Variants in IRGC observed in about 807,000 individuals in gnomAD.
The protein encoded by IRGC is immunity related GTPase cinema.
A neutral mutation model predicts 16.1 loss-of-function variants in IRGC; 4 were observed. The ratio of observed to expected loss-of-function variants is 0.25; its 90% CI spans 0.12 to 0.57. The LOEUF (loss-of-function observed/expected upper bound fraction) is 0.57, where lower values mean the gene tolerates loss of function less well. IRGC is among the 20% of genes least tolerant of loss of function. The pLI, the probability that IRGC is intolerant of heterozygous loss-of-function variation, is 0.92. For synonymous variants in IRGC, 307 were observed against 299.5 expected, an observed-to-expected ratio of 1.03 and a Z score of -0.26; for missense variants, 570 against 643.9, an observed-to-expected ratio of 0.89 and a Z score of 1.24.
intron 1 of IRGC, among the ~76,000 whole-genome samples, chr19:43,716,459 G>A (rs1276409630): frequency 2.0e-5 from 3 of 151,968 alleles, no homozygotes; most frequent in Non-Finnish European, 2.9e-5. Flanking sequence ...CCGCCTCCTG[G>A]GTTCAAGAGC....
rs544701537 is a variant in IRGC, at chr19:43,719,912, C to T, written c.1354C>T (p.Leu452=). 5.7e-5 allele frequency: 92 copies of T among 1,613,608 alleles called. No individual in the cohort carries two copies. Among genetic ancestry groups the T allele is most frequent in the African/African-American group, 1.1e-4 (8 of 75,006 alleles). The part of the protein sequence containing the change: ...RKLGLLLKYI[L]DSWKKHDSEE... ...GCTCGGCCTCCTTCTTAAGTACATT[C>T]TGGACAGCTGGAAGAAACACGACTC... The change falls in exon 2 of 2, where the codon CTG becomes TTG. Residue 452 remains leucine (L), a synonymous_variant. Transcript: ENST00000244314.
chr19:43,719,575 G>T lies in IRGC; in HGVS notation c.1017G>T (p.Ser339=). 6.2e-7 allele frequency: 1 copy of T among 1,602,224 alleles called. No homozygotes were observed. Among genetic ancestry groups the T allele is most frequent in the Non-Finnish European group, 8.5e-7 (1 of 1,179,788 alleles). The change falls in exon 2 of 2, where the codon TCG becomes TCT. Residue 339 remains serine (S), a synonymous_variant. Coordinates refer to ENST00000244314, the MANE Select transcript of IRGC (RefSeq NM_019612.4). ...VIRSPLANEV[S]PETVLRLYSQ... ...GCTCCCCACTGGCCAACGAGGTCTCGCCTGAGACTGTCCTGCGGCTCTATT... is the reference window on the plus strand; with the variant it reads ...GCTCCCCACTGGCCAACGAGGTCTCTCCTGAGACTGTCCTGCGGCTCTATT...
chr19:43,718,526 T>G lies in IRGC; in HGVS notation c.-33T>G. On this transcript the variant is annotated 5_prime_UTR_variant, in exon 2 of 2. Coordinates refer to ENST00000244314, the MANE Select transcript of IRGC (RefSeq NM_019612.4). The stretch of plus-strand genomic sequence containing the variant: ...GATCACGCATCCTGTGACTCTCCCC[T>G]GTCCCCCGCCACCCTCTGAACCACT... 6.5e-7 allele frequency: 1 copy of G among 1,534,678 alleles called. No homozygotes were observed. The highest frequency in any genetic ancestry group is 8.8e-7 in the Non-Finnish European group (1 of 1,140,884).
Position 43,720,021 on chromosome 19 carries a change from A to T in IRGC, c.*71A>T, listed in dbSNP as rs1968250347. The stretch of plus-strand genomic sequence containing the variant: ...ACAAAATCCAAATTACCAACAAAAA[A>T]GGCCGATGTGGTGAATGTGAGGGCT... On this transcript the variant is annotated 3_prime_UTR_variant, in exon 2 of 2. Coordinates refer to ENST00000244314, the MANE Select transcript of IRGC (RefSeq NM_019612.4). 2 of 1,546,308 alleles carry T rather than the reference A, an allele frequency of 1.3e-6. No individual in the cohort carries two copies. Among genetic ancestry groups the T allele is most frequent in the Non-Finnish European group, 1.8e-6 (2 of 1,133,360 alleles).
At chr19:43,716,950 G>A (rs540191571) in intron 1 of IRGC, among the ~76,000 whole-genome samples, 1 of 152,300 alleles carries the variant, frequency 6.6e-6, no homozygotes, top group Admixed American at 6.5e-5. Flanking sequence ...AAGACCCTTA[G>A]TGAGTAAATG....
intron 1 of IRGC, among the ~76,000 whole-genome samples, chr19:43,717,957 T>C (rs1968196165): frequency 6.6e-6 from 1 of 152,146 alleles, no homozygotes; most frequent in African/African-American, 2.4e-5. Flanking sequence ...TGGTCCCAGC[T>C]GTTCAGGAGG....
chr19:43,716,280 C>T (rs1442096065), intron 1 of IRGC, 138 bp downstream of exon 1: 2 of 152,418 alleles, frequency 1.3e-5, no homozygotes, highest in African/African-American at 4.8e-5. Context: ...TTCCAGGTTC[C>T]TACTCTTCCC....
chr19:43,717,166 G>A (rs1440259802), intron 1 of IRGC, among the ~76,000 whole-genome samples: 1 of 152,136 alleles, frequency 6.6e-6, no homozygotes, highest in Non-Finnish European at 1.5e-5. Context: ...TGGTCCCCAT[G>A]TCTGGCTTCC....
Position 43,716,155 on chromosome 19 carries a change from G to C in IRGC, c.-67+13G>C, listed in dbSNP as rs1375983452. 1 of 152,540 alleles carries C rather than the reference G, an allele frequency of 6.6e-6. No homozygotes were observed. The highest frequency in any genetic ancestry group is 1.5e-5 in the Non-Finnish European group (1 of 68,310). 9.4% of individuals were successfully genotyped at this position (152,540 alleles called of 1,614,324 possible). ...GCCTGCAGGGCAGGTGAGTCCCCCA[G>C]GGCTCTCTCGCTGGGCCCCTGTGCG... On this transcript the variant is annotated intron_variant, in intron 1 of 1. Coordinates refer to ENST00000244314, the MANE Select transcript of IRGC (RefSeq NM_019612.4).
In IRGC at chr19:43,718,781, C is replaced by T. The variant is rs1276048918; in HGVS notation, c.223C>T (p.Arg75Cys). The change falls in exon 2 of 2, where the codon CGT becomes TGT. Residue 75 changes from arginine (R) to cysteine (C), a missense_variant. Physicochemically the swap from Arg to Cys is radical, Grantham distance 180. Transcript: ENST00000244314. ...AGKSSLINAL[R>C]GLEAEDPGAA... Reference sequence around the variant, plus strand: ...CAAGTCCTCCCTCATCAATGCCCTGCGTGGCCTGGAGGCCGAGGACCCTGG... The same window carrying T: ...CAAGTCCTCCCTCATCAATGCCCTGTGTGGCCTGGAGGCCGAGGACCCTGG... 7.4e-6 allele frequency: 12 copies of T among 1,612,822 alleles called. No homozygotes were observed. The highest frequency in any genetic ancestry group is 1.1e-5 in the South Asian group (1 of 91,064).
chr19:43,716,881 T>C (rs1194002162), intron 1 of IRGC, among the ~76,000 whole-genome samples: 3 of 152,056 alleles, frequency 2.0e-5, no homozygotes, highest in African/African-American at 7.2e-5. Context: ...CCTCAGTCCT[T>C]CTCCCTGTCA....
Position 43,719,443 on chromosome 19 carries a change from C to T in IRGC, c.885C>T (p.Ile295=). The change falls in exon 2 of 2, where the codon ATC becomes ATT. Residue 295 remains isoleucine (I), a synonymous_variant. Coordinates refer to ENST00000244314, the MANE Select transcript of IRGC (RefSeq NM_019612.4). ...LAAAYDDALL[I]HSLRGYHRSF... ...CCGCCTACGATGATGCGTTGCTCAT[C>T]CACTCACTGCGTGGCTACCACCGCA... The T allele has an allele frequency of 1.2e-6, 2 of 1,602,408 alleles. No individual in the cohort carries two copies. Among genetic ancestry groups the T allele is most frequent in the African/African-American group, 1.3e-5 (1 of 74,906 alleles).
Position 43,719,604 on chromosome 19 carries a change from A to T in IRGC, c.1046A>T (p.Gln349Leu), listed in dbSNP as rs977049152. 1.2e-6 allele frequency: 2 copies of T among 1,603,032 alleles called. No individual in the cohort carries two copies. Among genetic ancestry groups the T allele is most frequent in the Non-Finnish European group, 8.5e-7 (1 of 1,179,882 alleles). Reference sequence around the variant, plus strand: ...GAGACTGTCCTGCGGCTCTATTCCCAGTCGTCCGACGGCGCCATGCGGGTG... The same window carrying T: ...GAGACTGTCCTGCGGCTCTATTCCCTGTCGTCCGACGGCGCCATGCGGGTG... ...SPETVLRLYSQSSDGAMRVAR... is the reference protein window; with the variant it reads ...SPETVLRLYSLSSDGAMRVAR... The change falls in exon 2 of 2, where the codon CAG becomes CTG. Residue 349 changes from glutamine to leucine, a missense_variant. Transcript: ENST00000244314.
rs570958028 is a variant in IRGC at position 43,718,747 on chromosome 19, G to A, written c.189G>A (p.Ser63=). The A allele has an allele frequency of 3.7e-6, 6 of 1,612,622 alleles. No individual in the cohort carries two copies. The highest frequency in any genetic ancestry group is 2.7e-5 in the African/African-American group (2 of 74,922). Residue 63 remains serine, a synonymous_variant, in exon 2 of 2, where the codon TCG becomes TCA. Transcript: ENST00000244314. ...TGGAGGTGGGCGTCACGGGCGAGTCGGGCGCGGGCAAGTCCTCCCTCATCA... is the reference window on the plus strand; with the variant it reads ...TGGAGGTGGGCGTCACGGGCGAGTCAGGCGCGGGCAAGTCCTCCCTCATCA... ...IRLEVGVTGE[S]GAGKSSLINA...
rs1271164025 is a variant in IRGC, at chr19:43,719,115, G to A, written c.557G>A (p.Arg186Lys). 4.3e-6 allele frequency: 7 copies of A among 1,610,148 alleles called. No individual in the cohort carries two copies. The highest frequency in any genetic ancestry group is 2.2e-5 in the East Asian group (1 of 44,820). The change falls in exon 2 of 2, where the codon AGA (arginine) becomes AAA (lysine). Residue 186 changes from arginine (R) to lysine (K), a missense_variant. Transcript: ENST00000244314. ...ATRTQRPSGF[R>K]EAAVLQEIRD... ...CGCACCCAGCGGCCGTCGGGCTTCAGAGAGGCCGCTGTCCTGCAGGAGATC... is the reference window on the plus strand; with the variant it reads ...CGCACCCAGCGGCCGTCGGGCTTCAAAGAGGCCGCTGTCCTGCAGGAGATC...
At chr19:43,718,300 A>G in intron 1 of IRGC, 193 bp from the exon 2 acceptor site, 1 of 493,392 alleles carries the variant, frequency 2.0e-6, no homozygotes, top group African/African-American at 2.0e-5. Context: ...AGTTAGTGGC[A>G]GAAAAGGGAT....
chr19:43,717,488 T>C lies in IRGC; in HGVS notation c.-66-1005T>C, dbSNP rs112712333. On this transcript the variant is annotated intron_variant, in intron 1 of 1. Coordinates refer to ENST00000244314, the MANE Select transcript of IRGC (RefSeq NM_019612.4). Reference sequence around the variant, plus strand: ...TGGTTTGCCAGGATTGTAGGTATCATTCTCAGTGTTCAGATGAGGAGAGTG... The same window carrying C: ...TGGTTTGCCAGGATTGTAGGTATCACTCTCAGTGTTCAGATGAGGAGAGTG... Among the ~76,000 whole-genome samples, 318 of 152,242 alleles carry C rather than the reference T, an allele frequency of 2.1e-3. 1 individual carries two copies. Among genetic ancestry groups the C allele is most frequent in the Non-Finnish European group, 3.8e-3 (261 of 68,014 alleles).
rs116760581 is a variant in IRGC at position 43,718,045 on chromosome 19, G to A, written c.-66-448G>A. On this transcript the variant is annotated intron_variant, in intron 1 of 1. Transcript: ENST00000244314. ...GATCGTAGCACTGTGCTCCAGCCTC[G>A]ATGACAGAGAGACCCTGTCTCAAAC... Among the ~76,000 whole-genome samples the A allele has an allele frequency of 9.2e-4, 140 of 152,264 alleles. 1 individual carries two copies. Among genetic ancestry groups the A allele is most frequent in the African/African-American group, 3.3e-3 (136 of 41,546 alleles).
chr19:43,718,858 A>G lies in IRGC; in HGVS notation c.300A>G (p.Pro100=), dbSNP rs2146335592. The change falls in exon 2 of 2, where the codon CCA becomes CCG. Residue 100 remains proline, a synonymous_variant. Coordinates refer to ENST00000244314, the MANE Select transcript of IRGC (RefSeq NM_019612.4). Reference sequence around the variant, plus strand: ...CCACGATGCAACCGTCGCCCTATCCACACCCACAGTTCCCTGACGTGACCC... The same window carrying G: ...CCACGATGCAACCGTCGCCCTATCCGCACCCACAGTTCCCTGACGTGACCC... ...METTMQPSPY[P]HPQFPDVTLW... The G allele has an allele frequency of 1.9e-6, 3 of 1,613,184 alleles. No individual in the cohort carries two copies. The highest frequency in any genetic ancestry group is 8.5e-7 in the Non-Finnish European group (1 of 1,179,962).
Sources: allele counts gnomAD v4.1 joint callset (sites outside exome capture counted in the v4.1 genomes callset), GRCh38; gene constraint gnomAD v4.1.1; transcripts MANE v1.5; gene names NCBI Gene and HGNC (gene_info 2026-07-23, HGNC 2026-07-21).